TAF2: variants seen among roughly 807,000 people sequenced by gnomAD.
TAF2 encodes transcription initiation factor TFIID subunit 2.
Under a neutral mutation model 138.5 loss-of-function variants are expected in TAF2, and 61 were observed. The observed-to-expected ratio is 0.44, with a 90% CI of 0.36 to 0.54. The LOEUF is 0.54. Among genes scored for constraint, TAF2 ranks in the 20% least tolerant of loss-of-function variants. TAF2 has a pLI of 0.00. For missense variants in TAF2, 1,090 were observed against 1,427.9 expected, an observed-to-expected ratio of 0.76 and a Z score of 3.81; for synonymous variants, 475 against 469.9, an observed-to-expected ratio of 1.01 and a Z score of -0.14.
intron 7 of TAF2, among the ~76,000 whole-genome samples, 185 bp downstream of exon 7, chr8:119,797,477 C>T (rs899900873): frequency 6.6e-6 from 1 of 151,922 alleles, no homozygotes; most frequent in African/African-American, 2.4e-5. Flanking sequence ...TGAGTTATCT[C>T]AAAAACTTTG....
intron 18 of TAF2, among the ~76,000 whole-genome samples, chr8:119,774,344 C>T (rs1388436891): frequency 1.3e-5 from 2 of 152,030 alleles, no homozygotes; most frequent in Non-Finnish European, 2.9e-5. Flanking sequence ...TACTATTTTC[C>T]AGTATTTTAT....
chr8:119,733,920 T>C (rs1236002962), intron 25 of TAF2, among the ~76,000 whole-genome samples: 4 of 152,162 alleles, frequency 2.6e-5, no homozygotes, highest in East Asian at 1.9e-4. Context: ...AAGTATCTTA[T>C]GGATTAAGTG....
chr8:119,767,580 G>A (rs779270825), intron 18 of TAF2, among the ~76,000 whole-genome samples: 19 of 152,332 alleles, frequency 1.2e-4, no homozygotes, highest in Non-Finnish European at 2.6e-4. Context: ...TGGAGTCTAC[G>A]TGGAATCCCA....
In TAF2 at chr8:119,819,412, T is replaced by C. The variant is rs371101226; in HGVS notation, c.233A>G (p.Asn78Ser). The C allele has an allele frequency of 7.4e-6, 12 of 1,612,918 alleles. No individual in the cohort carries two copies. Among genetic ancestry groups the C allele is most frequent in the African/African-American group, 2.7e-5 (2 of 74,924 alleles). Residue 78 changes from asparagine to serine, a missense_variant, in exon 3 of 26, where the codon AAT becomes AGT. Around this residue, in one of 3 missense-constraint regions of TAF2, gnomAD observed 504 missense variants for 680.9 expected, o/e 0.74. Transcript: ENST00000378164. ...KQCRIYRVRI[N>S]DLEAAFIYND... ...ATAAATAAAAGCAGCCTCTAAATCATTGATCCTTACTCGGTATATTCTACA... is the reference window on the plus strand; with the variant it reads ...ATAAATAAAAGCAGCCTCTAAATCACTGATCCTTACTCGGTATATTCTACA...
At chr8:119,756,236 C>G (rs1820695249) in intron 21 of TAF2, 121 bp from the exon 22 acceptor site, 1 of 702,630 alleles carries the variant, frequency 1.4e-6, no homozygotes, top group African/African-American at 1.8e-5. Context: ...AACACTTTCT[C>G]TCTTAAATCT....
chr8:119,793,471 A>C lies in TAF2; in HGVS notation c.1192-20T>G. On this transcript the variant is annotated intron_variant, in intron 9 of 25. Coordinates refer to ENST00000378164, the MANE Select transcript of TAF2 (RefSeq NM_003184.4). The stretch of plus-strand genomic sequence containing the variant: ...TAGCTCCTAAAAAATATATAAAAAT[A>C]GGAGTCAGTAAAATTTGTAAAGTAA... The C allele has an allele frequency of 6.3e-7, 1 of 1,580,486 alleles. No individual in the cohort carries two copies. Among genetic ancestry groups the C allele is most frequent in the Non-Finnish European group, 8.7e-7 (1 of 1,152,596 alleles).
At chr8:119,778,295 A>G (rs1052575884) in intron 17 of TAF2, among the ~76,000 whole-genome samples, 166 bp from the exon 18 acceptor site, 2 of 152,206 alleles carry the variant, frequency 1.3e-5, no homozygotes, top group East Asian at 3.9e-4. Flanking sequence ...CATATCTCAA[A>G]GCATTCTAAC....
Position 119,797,802 on chromosome 8 carries a change from A to G in TAF2, c.837T>C (p.His279=). The G allele has an allele frequency of 6.2e-7, 1 of 1,613,616 alleles. No homozygotes were observed. Among genetic ancestry groups the G allele is most frequent in the Non-Finnish European group, 8.5e-7 (1 of 1,179,698 alleles). Residue 279 remains histidine (H), a synonymous_variant, in exon 7 of 26, where the codon CAT becomes CAC. Transcript: ENST00000378164. ...AGACTTCATGAAGGTATGATGTGGT[A>G]TGTTTCAGCAATGGAAGAAGTTGGG... ...CLPQLLPLLK[H]TTSYLHEVFE...
intron 11 of TAF2, among the ~76,000 whole-genome samples, chr8:119,790,444 A>C (rs968773751): frequency 1.1e-4 from 16 of 152,246 alleles, no homozygotes; most frequent in African/African-American, 3.6e-4. Flanking sequence ...TCAAAAAAAA[A>C]CAAAACAAAC....
At chr8:119,777,727 G>A (rs1335951794) in intron 18 of TAF2, among the ~76,000 whole-genome samples, 1 of 152,130 alleles carries the variant, frequency 6.6e-6, no homozygotes, top group African/African-American at 2.4e-5. Flanking sequence ...GTTTTATCAA[G>A]TTTTAACTGG....
chr8:119,810,043 AAC>A, intron 3 of TAF2, among the ~76,000 whole-genome samples: 1 of 151,630 alleles, frequency 6.6e-6, no homozygotes, highest in South Asian at 2.1e-4. Context: ...ACAACAGAGC[AAC>A]AGAGCAAAGC....
At chr8:119,771,841 C>G (rs1821863152) in intron 18 of TAF2, among the ~76,000 whole-genome samples, 2 of 152,076 alleles carry the variant, frequency 1.3e-5, no homozygotes, top group South Asian at 4.1e-4. Flanking sequence ...CCAAATGGAC[C>G]TAACAGACAT....
At chr8:119,732,786 A>G (rs1326629586) in intron 25 of TAF2, among the ~76,000 whole-genome samples, 4 of 152,076 alleles carry the variant, frequency 2.6e-5, no homozygotes, top group Non-Finnish European at 4.4e-5. Flanking sequence ...CCTGGGTGAT[A>G]GAGTGAGACT....
intron 20 of TAF2, among the ~76,000 whole-genome samples, chr8:119,759,043 A>G (rs1820883692): frequency 1.3e-5 from 2 of 152,246 alleles, no homozygotes; most frequent in Non-Finnish European, 2.9e-5. Flanking sequence ...TGAGACATTA[A>G]AAACTATCCA....
At chr8:119,823,059 T>A (rs1825887007) in intron 2 of TAF2, among the ~76,000 whole-genome samples, 1 of 152,206 alleles carries the variant, frequency 6.6e-6, no homozygotes, top group African/African-American at 2.4e-5. Context: ...AATATCACTG[T>A]TTTTCTCTCT....
At position 119,780,528 on chromosome 8, in the gene TAF2, A is replaced by T. The variant is rs569368275; in HGVS notation, c.2253+525T>A. ...TCTCCATCCCCCAGGTAACCAACCA[A>T]AAAGGCAAATTAAACATTTCTGGAC... On this transcript the variant is annotated intron_variant, in intron 17 of 25. Coordinates refer to ENST00000378164, the MANE Select transcript of TAF2 (RefSeq NM_003184.4). Among the ~76,000 whole-genome samples the T allele has an allele frequency of 2.6e-4, 40 of 152,322 alleles. No homozygotes were observed. The South Asian group carries it at 2.7e-3, about 10-fold the overall frequency.
chr8:119,788,894 C>T lies in TAF2; in HGVS notation c.1579G>A (p.Gly527Arg), dbSNP rs762971967. 1 of 1,603,410 alleles carries T rather than the reference C, an allele frequency of 6.2e-7. No homozygotes were observed. Among genetic ancestry groups the T allele is most frequent in the East Asian group, 2.2e-5 (1 of 44,764 alleles). Residue 527 changes from glycine to arginine, a missense_variant, in exon 13 of 26, where the codon GGA becomes AGA. Coordinates refer to ENST00000378164, the MANE Select transcript of TAF2 (RefSeq NM_003184.4). ...AAACTTCCATAAAATTTTACCACTC[C>T]ACTCTGATCTCTGAAGAATTGTAAA... ...PLIKQWVDQSGVVKFYGSFAF... is the reference protein window; with the variant it reads ...PLIKQWVDQSRVVKFYGSFAF...
intron 18 of TAF2, among the ~76,000 whole-genome samples, chr8:119,768,914 C>A (rs1038816773): frequency 2.6e-5 from 4 of 152,182 alleles, no homozygotes; most frequent in African/African-American, 9.7e-5. Context: ...ACACTATGGC[C>A]TGGAGACAGA....
chr8:119,797,887 T>A (rs1823943583), intron 6 of TAF2, 41 bp from the exon 7 acceptor site: 1 of 1,589,540 alleles, frequency 6.3e-7, no homozygotes. Flanking sequence ...AATGAAAGAG[T>A]TAAATTTAAT....
Sources: allele counts gnomAD v4.1 joint callset (sites outside exome capture counted in the v4.1 genomes callset), GRCh38; gene constraint gnomAD v4.1.1; regional missense constraint gnomAD v4.1.1; transcripts MANE v1.5; gene names NCBI Gene and HGNC (gene_info 2026-07-23, HGNC 2026-07-21).